PVT1: variants seen among roughly 807,000 people sequenced by gnomAD.
The protein encoded by PVT1 is Pvt1 oncogene.
At chr8:128,004,413 C>G (rs145444536) in intron 4 of PVT1, among the ~76,000 whole-genome samples, 35 of 152,268 alleles carry the variant, frequency 2.3e-4, no homozygotes, top group African/African-American at 8.2e-4. Context: ...TACATTTGCT[C>G]ATCCTGGAGG....
At chr8:127,969,167 C>G (rs116122612) in intron 3 of PVT1, among the ~76,000 whole-genome samples, 2 of 152,280 alleles carry the variant, frequency 1.3e-5, no homozygotes, top group South Asian at 2.1e-4. Context: ...TTGACACTTG[C>G]CTCTGCTGAT....
rs60359946 is a variant in PVT1, at chr8:127,914,260, CAAAAAAAAAAAAAAAAAAAA to C, written n.782+23283_782+23302del. On this transcript the variant is annotated intron_variant and non_coding_transcript_variant, in intron 3 of 10. Transcript: ENST00000651587. ...AATTAAACACCACCACCACCAACAG[CAAAAAAAAAAAAAAAAAAAA>C]AAAAAAAAAAAAAAAAAAAAGGCAG... is the stretch of plus-strand genomic sequence containing the variant. 5.6e-4 allele frequency among the ~76,000 whole-genome samples: 27 copies of C among 47,862 alleles called. No individual in the cohort carries two copies. In the South Asian group the frequency reaches 6.6e-3, roughly 12 times the overall value. The allele number at this position is 47,862 out of a possible 152,430, so 31.4% of individuals were successfully genotyped here. A position where few individuals can be genotyped will look rare whatever the true frequency, so the allele number is the denominator to read the frequency against.
chr8:128,097,046 A>G (rs1169202000), intron 6 of PVT1, among the ~76,000 whole-genome samples: 2 of 152,182 alleles, frequency 1.3e-5, no homozygotes, highest in African/African-American at 4.8e-5. Flanking sequence ...GGTTACCTTT[A>G]GTCTAGATCA....
Position 127,808,869 on chromosome 8 carries a change from A to T in PVT1, n.372+12798A>T, listed in dbSNP as rs986052428. On this transcript the variant is annotated intron_variant and non_coding_transcript_variant, in intron 2 of 10. Coordinates refer to ENST00000651587, the Ensembl canonical transcript of PVT1. ...ACATGGTGAAACCCCATCTCTACTA[A>T]AAATACAAAAATTAGCCAGGAGTGG... Among the ~76,000 whole-genome samples the T allele has an allele frequency of 3.3e-5, 5 of 151,878 alleles. No homozygotes were observed. The East Asian group carries it at 9.7e-4, about 29-fold the overall frequency.
At chr8:127,874,498 T>C (rs1326031917) in intron 2 of PVT1, among the ~76,000 whole-genome samples, 1 of 152,146 alleles carries the variant, frequency 6.6e-6, no homozygotes, top group East Asian at 1.9e-4. Context: ...TCAATCCCAG[T>C]TCATCTTATT....
chr8:128,072,449 G>A (rs1046244776), intron 5 of PVT1, among the ~76,000 whole-genome samples: 3 of 152,142 alleles, frequency 2.0e-5, no homozygotes, highest in African/African-American at 7.2e-5. Flanking sequence ...CTCCCAGCAA[G>A]GATTTTAAAA....
chr8:128,087,575 CAAGCAAACTCTT>C (rs1248410969), intron 5 of PVT1, among the ~76,000 whole-genome samples: 1 of 152,110 alleles, frequency 6.6e-6, no homozygotes, highest in East Asian at 1.9e-4. Flanking sequence ...TTGAAAAGCT[CAAGCAAACTCTT>C]AAGCATAACT....
chr8:127,857,148 CA>C (rs1563622879), intron 2 of PVT1, among the ~76,000 whole-genome samples: 1 of 152,046 alleles, frequency 6.6e-6, no homozygotes, highest in Admixed American at 6.5e-5. Context: ...ATTGCTTGAA[CA>C]TGGGAGGAAG....
rs192184408 is a variant in PVT1 at position 127,998,631 on chromosome 8, C to T, written n.912+9340C>T. 3.5e-4 allele frequency among the ~76,000 whole-genome samples: 51 copies of T among 145,470 alleles called. No individual in the cohort carries two copies. In the East Asian group the frequency reaches 0.01, roughly 30 times the overall value. On this transcript the variant is annotated intron_variant and non_coding_transcript_variant, in intron 4 of 10. Coordinates refer to ENST00000651587, the Ensembl canonical transcript of PVT1. ...CTTTCCTTCCTTCCTCCCTCCCTCA[C>T]TCCCTCCTTCCTTCCTTTTTCTTCC...
chr8:128,066,254 G>C (rs1813908911), intron 4 of PVT1, among the ~76,000 whole-genome samples: 1 of 152,164 alleles, frequency 6.6e-6, no homozygotes, highest in African/African-American at 2.4e-5. Flanking sequence ...AAGGAGTAGT[G>C]AGCAGAATTG....
rs757696620 is a variant in PVT1 at position 127,870,959 on chromosome 8, G to GCCT, written n.373-19613_373-19611dup. On this transcript the variant is annotated intron_variant and non_coding_transcript_variant, in intron 2 of 10. Coordinates refer to ENST00000651587, the Ensembl canonical transcript of PVT1. The stretch of plus-strand genomic sequence containing the variant: ...ACGGCCACAGTCACGTCTCCTTTCT[G>GCCT]CCTCCTCCTCCTCCTCCTCTCTGTC... Among the ~76,000 whole-genome samples, 9 of 151,938 alleles carry GCCT rather than the reference G, an allele frequency of 5.9e-5. No homozygotes were observed. In the South Asian group the frequency reaches 8.3e-4, roughly 14 times the overall value.
At chr8:127,849,458 T>G (rs917861640) in intron 2 of PVT1, among the ~76,000 whole-genome samples, 2 of 152,104 alleles carry the variant, frequency 1.3e-5, no homozygotes, top group African/African-American at 4.8e-5. Flanking sequence ...TGGTTTTCAA[T>G]CAGATAAAGG....
chr8:127,903,198 A>G (rs931341688), intron 3 of PVT1, among the ~76,000 whole-genome samples: 3 of 152,088 alleles, frequency 2.0e-5, no homozygotes, highest in African/African-American at 7.2e-5. Flanking sequence ...GATGTTGTGC[A>G]TTTTTTCATG....
At chr8:127,954,105 G>A (rs930066772) in intron 3 of PVT1, among the ~76,000 whole-genome samples, 1 of 152,110 alleles carries the variant, frequency 6.6e-6, no homozygotes, top group Admixed American at 6.6e-5. Context: ...GAAAAAACTT[G>A]CCTTTGAGGG....
chr8:128,085,219 T>G (rs1814241190), intron 5 of PVT1, among the ~76,000 whole-genome samples: 1 of 152,038 alleles, frequency 6.6e-6, no homozygotes, highest in Non-Finnish European at 1.5e-5. Context: ...CAGCCAGCAA[T>G]CCTGAGAGCC....
At chr8:127,976,798 A>T (rs1175019000) in intron 3 of PVT1, among the ~76,000 whole-genome samples, 1 of 152,168 alleles carries the variant, frequency 6.6e-6, no homozygotes, top group Non-Finnish European at 1.5e-5. Context: ...GTGGAGACTC[A>T]GTTCCAGCCC....
chr8:127,981,487 A>G (rs922179083), intron 3 of PVT1, among the ~76,000 whole-genome samples: 2 of 152,240 alleles, frequency 1.3e-5, no homozygotes, highest in African/African-American at 4.8e-5. Flanking sequence ...TTTACGGAAA[A>G]CAATGGCTTT....
intron 4 of PVT1, among the ~76,000 whole-genome samples, chr8:128,016,859 A>G (rs1260865219): frequency 6.6e-6 from 1 of 152,184 alleles, no homozygotes; most frequent in Non-Finnish European, 1.5e-5. Flanking sequence ...CTGGATGAGG[A>G]TGAGTTCCCT....
At chr8:128,017,428 C>A (rs1817386211) in intron 4 of PVT1, among the ~76,000 whole-genome samples, 2 of 151,916 alleles carry the variant, frequency 1.3e-5, no homozygotes, top group African/African-American at 4.8e-5. Flanking sequence ...TGGCCAGCTG[C>A]CTCCTTAATT....
Sources: gnomAD v4.1 joint callset for allele counts (sites outside exome capture counted in the v4.1 genomes callset) on GRCh38, gnomAD v4.1.1 for gene constraint, MANE v1.5 for transcripts, NCBI Gene and HGNC (gene_info 2026-07-23, HGNC 2026-07-21) for gene names.